The following CLCN5 variants were observed in gnomAD, a reference collection of about 807,000 sequenced individuals.
CLCN5 encodes the protein H(+)/Cl(-) exchange transporter 5.
CLCN5 carries 17 observed loss-of-function variants against 54.0 expected under a neutral mutation model. The ratio of observed to expected loss-of-function variants is 0.31; its 90% CI spans 0.22 to 0.47. The LOEUF (loss-of-function observed/expected upper bound fraction) is 0.47. Among genes scored for constraint, CLCN5 ranks in the 20% least tolerant of loss-of-function variants. The pLI, the probability that CLCN5 is intolerant of heterozygous loss-of-function variation, is 1.00. For synonymous variants in CLCN5, 222 were observed against 233.0 expected, an observed-to-expected ratio of 0.95 and a Z score of 0.43; for missense variants, 448 against 646.7, an observed-to-expected ratio of 0.69 and a Z score of 3.33.
At chrX:50,073,703 C>A (rs1933307353) in intron 6 of CLCN5, among the ~76,000 whole-genome samples, 1 of 111,356 alleles carries the variant, frequency 9.0e-6, no homozygotes, top group Non-Finnish European at 1.9e-5. Context: ...TTGTCTAGGG[C>A]AGGGATTGGC....
intron 3 of CLCN5, among the ~76,000 whole-genome samples, chrX:50,013,853 C>T (rs1930649743): frequency 8.9e-6 from 1 of 112,473 alleles, no homozygotes; most frequent in Admixed American, 9.4e-5. Context: ...TTCCTTTGTT[C>T]ATTCTTTCAG....
chrX:50,088,973 T>A, intron 12 of CLCN5, 89 bp downstream of exon 12: 1 of 854,333 alleles, frequency 1.2e-6, no homozygotes, highest in Non-Finnish European at 1.7e-6. Context: ...TAGGAGAATT[T>A]AAATGCCCAT....
Position 50,077,619 on chromosome X carries a change from A to AGT in CLCN5, c.603+1638_603+1639insTG, listed in dbSNP as rs1226546566. Reference sequence around the variant, plus strand: ...AAGAGAGAGAGAGAGAGAGAGAGAGAGAGTGTGTGTGTGTGTGTGTGTGTG... The same window carrying AGT: ...AAGAGAGAGAGAGAGAGAGAGAGAGAGTGAGTGTGTGTGTGTGTGTGTGTGTG... On this transcript the variant is annotated intron_variant, in intron 7 of 14. Transcript: ENST00000376091. 7.8e-4 allele frequency among the ~76,000 whole-genome samples: 69 copies of AGT among 88,373 alleles called. 1 individual carries two copies. The highest frequency in any genetic ancestry group is 4.2e-3 in the Admixed American group (33 of 7,921). 76.7% of individuals were successfully genotyped at this position (88,373 alleles called of 115,157 possible).
intron 6 of CLCN5, among the ~76,000 whole-genome samples, chrX:50,074,451 G>A (rs782590966): frequency 1.8e-4 from 20 of 111,901 alleles, no homozygotes; most frequent in South Asian, 3.8e-4. Context: ...ACATGTACAC[G>A]TGAGACAACC....
chrX:49,998,230 C>T lies in CLCN5; in HGVS notation c.17-44086C>T, dbSNP rs1929626970. Among the ~76,000 whole-genome samples, 4 of 111,597 alleles carry T rather than the reference C, an allele frequency of 3.6e-5. No homozygotes were observed. The South Asian group carries it at 1.5e-3, about 43-fold the overall frequency. ...TAGGCACAGCTGTTAATGGCAGAAC[C>T]AGGCATTCCAAAGCTGAGACTATAC... is the stretch of plus-strand genomic sequence containing the variant. On this transcript the variant is annotated intron_variant, in intron 3 of 14. Coordinates refer to ENST00000376091, the MANE Select transcript of CLCN5 (RefSeq NM_001127898.4).
chrX:49,993,390 T>C (rs201125566), intron 3 of CLCN5, among the ~76,000 whole-genome samples: 1 of 112,178 alleles, frequency 8.9e-6, no homozygotes, highest in Non-Finnish European at 1.9e-5. Context: ...TCCTGTGATA[T>C]GTGTTTTTCA....
At chrX:50,074,059 C>G (rs1442014126) in intron 6 of CLCN5, among the ~76,000 whole-genome samples, 1 of 111,475 alleles carries the variant, frequency 9.0e-6, no homozygotes, top group Non-Finnish European at 1.9e-5. Flanking sequence ...AGGAAGATGG[C>G]TGAGAAAAGA....
At chrX:49,981,231 A>G (rs1231900682) in intron 3 of CLCN5, among the ~76,000 whole-genome samples, 1 of 111,809 alleles carries the variant, frequency 8.9e-6, no homozygotes, top group Non-Finnish European at 1.9e-5. Flanking sequence ...TTTTTTCCCC[A>G]ATGAGCCGTT....
At chrX:50,060,309 G>A (rs1440023734) in intron 4 of CLCN5, among the ~76,000 whole-genome samples, 2 of 110,673 alleles carry the variant, frequency 1.8e-5, no homozygotes, top group Non-Finnish European at 3.8e-5. Context: ...CGCACCGTGC[G>A]CGAGCTGAAG....
intron 3 of CLCN5, among the ~76,000 whole-genome samples, chrX:49,984,584 T>C (rs1928900657): frequency 1.8e-5 from 2 of 111,010 alleles, no homozygotes; most frequent in South Asian, 7.6e-4. Context: ...TCTTTCTCTT[T>C]CGTTCCTTCT....
intron 3 of CLCN5, among the ~76,000 whole-genome samples, chrX:49,951,249 A>G (rs1557172954): frequency 6.2e-5 from 7 of 112,220 alleles, no homozygotes; most frequent in Non-Finnish European, 1.1e-4. Context: ...GGTGGGTGAT[A>G]TCTCATCCTT....
chrX:50,082,795 A>G (rs1170738850), intron 9 of CLCN5, among the ~76,000 whole-genome samples: 3 of 112,226 alleles, frequency 2.7e-5, no homozygotes, highest in African/African-American at 6.5e-5. Flanking sequence ...ATGGAATAGT[A>G]CATATAAGTG....
At chrX:49,934,205 G>A (rs185826119) in intron 3 of CLCN5, among the ~76,000 whole-genome samples, 5 of 111,802 alleles carry the variant, frequency 4.5e-5, no homozygotes, top group African/African-American at 6.5e-5. Context: ...ACCGTGAAAC[G>A]TTTAGTTTTT....
At position 50,090,317 on chromosome X, in the gene CLCN5, A is replaced by C; in HGVS notation, c.1946A>C (p.Lys649Thr). Residue 649 changes from lysine (K) to threonine (T), a missense_variant, in exon 13 of 15, where the codon AAG becomes ACG. Lys to Thr is a moderately conservative substitution (Grantham distance 78). Transcript: ENST00000376091. Reference protein sequence around the residue: ...FLEAKEEFAHKTLAMDVMKPR... With the variant: ...FLEAKEEFAHTTLAMDVMKPR... ...GAAGCCAAAGAAGAGTTTGCTCATA[A>C]GACCCTGGCAATGGATGTGATGAAA... The C allele has an allele frequency of 8.3e-7, 1 of 1,211,376 alleles. No individual in the cohort carries two copies. Among genetic ancestry groups the C allele is most frequent in the Non-Finnish European group, 1.1e-6 (1 of 895,185 alleles).
At chrX:49,934,794 C>G (rs1482662119) in intron 3 of CLCN5, among the ~76,000 whole-genome samples, 1 of 111,637 alleles carries the variant, frequency 9.0e-6, no homozygotes, top group East Asian at 2.8e-4. Flanking sequence ...CCCTCCTTCC[C>G]AAAGACAAGC....
rs192561451 is a variant in CLCN5, at chrX:49,926,648, C to T, written c.16+1334C>T. 3.3e-3 allele frequency among the ~76,000 whole-genome samples: 369 copies of T among 111,741 alleles called. 2 individuals are homozygous for T. Among genetic ancestry groups the T allele is most frequent in the Admixed American group, 9.4e-3 (99 of 10,532 alleles). On this transcript the variant is annotated intron_variant, in intron 3 of 14. Coordinates refer to ENST00000376091, the MANE Select transcript of CLCN5 (RefSeq NM_001127898.4). ...GCCTCATGTGAGATGTGTAGGGGCG[C>T]GACCTCAGATGAAGCAGGGAAGGTA... is the stretch of plus-strand genomic sequence containing the variant.
In CLCN5 at chrX:49,968,986, A is replaced by AT. The variant is rs1338600134; in HGVS notation, c.16+43681dup. On this transcript the variant is annotated intron_variant, in intron 3 of 14. Transcript: ENST00000376091. Reference sequence around the variant, plus strand: ...AAATATCTCTGATCTTTAATATTTTATTTTTTTTTCTTACTTTGGGTTTAT... The same window carrying AT: ...AAATATCTCTGATCTTTAATATTTTATTTTTTTTTTCTTACTTTGGGTTTAT... Among the ~76,000 whole-genome samples, 6 of 108,729 alleles carry AT rather than the reference A, an allele frequency of 5.5e-5. 1 individual carries two copies. Among genetic ancestry groups the AT allele is most frequent in the African/African-American group, 1.0e-4 (3 of 29,354 alleles). 94.4% of individuals were successfully genotyped at this position (108,729 alleles called of 115,157 possible). A position where few individuals can be genotyped will look rare whatever the true frequency, so the allele number is the denominator to read the frequency against.
At chrX:49,990,483 G>C (rs782108810) in intron 3 of CLCN5, among the ~76,000 whole-genome samples, 18 of 109,552 alleles carry the variant, frequency 1.6e-4, no homozygotes, top group Admixed American at 9.7e-5. Flanking sequence ...TGTCACCCAG[G>C]CCAGAGTGCA....
Position 50,081,679 on chromosome X carries a change from T to C in CLCN5, c.765T>C (p.Tyr255=), listed in dbSNP as rs781804222. ...TGAGTGGTTTCATTATTAGGGGCTATTTGGGTAAGTGGACTCTGGTTATCA... is the reference window on the plus strand; with the variant it reads ...TGAGTGGTTTCATTATTAGGGGCTACTTGGGTAAGTGGACTCTGGTTATCA... ...TILSGFIIRG[Y]LGKWTLVIKT... is the part of the protein sequence containing the mutation. The change falls in exon 9 of 15, where the codon TAT becomes TAC. Residue 255 remains tyrosine (Y), a synonymous_variant. Coordinates refer to ENST00000376091, the MANE Select transcript of CLCN5 (RefSeq NM_001127898.4). 5.0e-6 allele frequency: 6 copies of C among 1,208,359 alleles called. No individual in the cohort carries two copies. The East Asian group carries it at 1.8e-4, about 36-fold the overall frequency.
Sources: gnomAD v4.1 joint callset for allele counts (sites outside exome capture counted in the v4.1 genomes callset) on GRCh38, gnomAD v4.1.1 for gene constraint, MANE v1.5 for transcripts, NCBI Gene and HGNC (gene_info 2026-07-23, HGNC 2026-07-21) for gene names.